Variants in NRG1 observed in about 807,000 individuals in gnomAD.
NRG1 encodes the protein pro-neuregulin-1, membrane-bound isoform.
A neutral mutation model predicts 63.8 loss-of-function variants in NRG1; 18 were observed. That is an observed-to-expected ratio of 0.28 (90% CI 0.19 to 0.42). The LOEUF (loss-of-function observed/expected upper bound fraction) is 0.42. Among genes scored for constraint, NRG1 ranks in the 10% least tolerant of loss-of-function variants. The pLI is 1.00. For missense variants in NRG1, 762 were observed against 814.7 expected (o/e 0.94, Z 0.79); for synonymous variants, 302 against 301.3 (o/e 1.00, Z -0.02).
intron 1 of NRG1, among the ~76,000 whole-genome samples, chr8:31,868,306 G>A (rs1829170141): frequency 6.6e-6 from 1 of 152,126 alleles, no homozygotes; most frequent in Non-Finnish European, 1.5e-5. Flanking sequence ...GAGACATGAA[G>A]TCAATGAAGT....
chr8:31,893,076 G>A (rs1371058492), intron 1 of NRG1, among the ~76,000 whole-genome samples: 2 of 151,472 alleles, frequency 1.3e-5, no homozygotes, highest in Non-Finnish European at 3.0e-5. Context: ...CCCAGAAAGA[G>A]CCTCTTCTAC....
At chr8:32,511,367 GTA>G (rs202038797) in intron 1 of NRG1, among the ~76,000 whole-genome samples, 7,885 of 121,774 alleles carry the variant, frequency 0.065, 722 homozygotes, top group East Asian at 0.52. Context: ...ATATATATGT[GTA>G]TATATATATA....
chr8:32,047,265 A>G (rs1821161888), intron 1 of NRG1, among the ~76,000 whole-genome samples: 1 of 152,016 alleles, frequency 6.6e-6, no homozygotes, highest in African/African-American at 2.4e-5. Flanking sequence ...TTGAAAAGGG[A>G]TCAATGTTCT....
chr8:32,729,390 T>C (rs1823067003), intron 6 of NRG1, among the ~76,000 whole-genome samples: 1 of 152,234 alleles, frequency 6.6e-6, no homozygotes, highest in Non-Finnish European at 1.5e-5. Context: ...AAGTCGTTCC[T>C]TAAAAAATGT....
At chr8:32,397,523 TCA>T (rs1812598981) in intron 1 of NRG1, among the ~76,000 whole-genome samples, 1 of 96,704 alleles carries the variant, frequency 1.0e-5, no homozygotes. Flanking sequence ...TGACTTAACA[TCA>T]AAAAAAAAAA....
intron 1 of NRG1, among the ~76,000 whole-genome samples, chr8:32,294,342 T>G (rs1854592628): frequency 6.6e-6 from 1 of 152,200 alleles, no homozygotes; most frequent in Non-Finnish European, 1.5e-5. Flanking sequence ...GTGGTCAGAT[T>G]GCAAACAGTT....
At chr8:32,615,726 C>A (rs765007549) in intron 4 of NRG1, among the ~76,000 whole-genome samples, 22 of 151,888 alleles carry the variant, frequency 1.4e-4, no homozygotes, top group Non-Finnish European at 2.6e-4. Context: ...TCTCTGTATC[C>A]TAGACTACTT....
chr8:31,984,929 G>A (rs114615706), intron 1 of NRG1, among the ~76,000 whole-genome samples: 4,075 of 152,160 alleles, frequency 0.027, 118 homozygotes, highest in African/African-American at 0.073. Context: ...ACTGGGGGTC[G>A]TTTCTGGAAA....
intron 1 of NRG1, among the ~76,000 whole-genome samples, chr8:32,328,550 A>G (rs1802280486): frequency 6.6e-6 from 1 of 151,826 alleles, no homozygotes; most frequent in Non-Finnish European, 1.5e-5. Context: ...ACATCCAGTT[A>G]TTTAATTTTA....
chr8:32,595,975 C>A, exon 2 of NRG1: 1 of 1,612,920 alleles, frequency 6.2e-7, no homozygotes, highest in Non-Finnish European at 8.5e-7. Flanking sequence ...AAAAACAAAC[C>A]ACAAAATATC....
At chr8:32,389,638 G>A (rs1811454743) in intron 1 of NRG1, among the ~76,000 whole-genome samples, 1 of 152,064 alleles carries the variant, frequency 6.6e-6, no homozygotes, top group Non-Finnish European at 1.5e-5. Context: ...TGCCTAAATG[G>A]TCTCCTACTT....
chr8:32,288,283 A>G (rs964899742), intron 1 of NRG1, among the ~76,000 whole-genome samples: 6 of 152,212 alleles, frequency 3.9e-5, no homozygotes, highest in Non-Finnish European at 8.8e-5. Flanking sequence ...CAATCTTTAT[A>G]CAAATGTGGC....
At chr8:32,717,759 C>T (rs1819612170) in intron 5 of NRG1, among the ~76,000 whole-genome samples, 1 of 152,124 alleles carries the variant, frequency 6.6e-6, no homozygotes, top group African/African-American at 2.4e-5. Context: ...GTGTTTCAAG[C>T]TGCATGGGCG....
chr8:32,267,663 T>A (rs546576245), intron 1 of NRG1, among the ~76,000 whole-genome samples: 3 of 152,314 alleles, frequency 2.0e-5, no homozygotes, highest in African/African-American at 7.2e-5. Context: ...ATCAGGTACA[T>A]GTGTTGTGAT....
At chr8:32,297,299 A>G (rs1332697087) in intron 1 of NRG1, among the ~76,000 whole-genome samples, 1 of 152,164 alleles carries the variant, frequency 6.6e-6, no homozygotes, top group Non-Finnish European at 1.5e-5. Flanking sequence ...CATAAAAGCA[A>G]TCCCTTCAGG....
chr8:32,080,529 A>G (rs1827284685), intron 1 of NRG1, among the ~76,000 whole-genome samples: 1 of 152,170 alleles, frequency 6.6e-6, no homozygotes, highest in South Asian at 2.1e-4. Flanking sequence ...ACTGGGATAG[A>G]TGTATTTTTT....
At chr8:31,846,886 T>C (rs1826739172) in intron 1 of NRG1, among the ~76,000 whole-genome samples, 1 of 152,332 alleles carries the variant, frequency 6.6e-6, no homozygotes, top group South Asian at 2.1e-4. Flanking sequence ...ATTGACTGCC[T>C]GCCTATTCAG....
intron 1 of NRG1, among the ~76,000 whole-genome samples, chr8:32,231,577 T>G (rs1487987809): frequency 6.6e-6 from 1 of 152,156 alleles, no homozygotes; most frequent in Non-Finnish European, 1.5e-5. Flanking sequence ...GAATGTAAAT[T>G]TTTTGTTTGT....
At chr8:31,869,752 G>A (rs964367470) in intron 1 of NRG1, among the ~76,000 whole-genome samples, 7 of 152,150 alleles carry the variant, frequency 4.6e-5, no homozygotes, top group African/African-American at 1.7e-4. Context: ...ATTAAATGAT[G>A]GAATTGTTAA....
Sources: allele counts gnomAD v4.1 joint callset (sites outside exome capture counted in the v4.1 genomes callset), GRCh38; gene constraint gnomAD v4.1.1; transcripts MANE v1.5; gene names NCBI Gene and HGNC (gene_info 2026-07-23, HGNC 2026-07-21).